DNAJC15: variants seen among roughly 807,000 people sequenced by gnomAD.
The protein encoded by DNAJC15 is DnaJ heat shock protein family (Hsp40) member C15.
In DNAJC15, 27 loss-of-function variants were observed where a neutral mutation model predicts 22.4. The observed-to-expected ratio is 1.20, with a 90% CI of 0.89 to 1.66. The LOEUF (loss-of-function observed/expected upper bound fraction) is 1.66, where lower values mean the gene tolerates loss of function less well. Ranked by LOEUF, DNAJC15 falls within the 40% of genes most tolerant of loss-of-function variation. The pLI is 0.00. For missense variants in DNAJC15, 208 were observed against 187.1 expected (o/e 1.11, Z -0.65); for synonymous variants, 79 against 63.2 (o/e 1.25, Z -1.19).
rs572266719 is a variant in DNAJC15 at position 43,110,254 on chromosome 13, G to C, written c.*3006G>C. The C allele has an allele frequency of 1.3e-5, 2 of 152,344 alleles. No individual in the cohort carries two copies. Among genetic ancestry groups the C allele is most frequent in the African/African-American group, 4.8e-5 (2 of 41,578 alleles). 9.4% of individuals were successfully genotyped at this position (152,344 alleles called of 1,614,324 possible). ...CTACTAGAGCATCGTCACCATAGCA[G>C]CTGTCTTATAACAGAGAGTGGTCGG... On this transcript the variant is annotated 3_prime_UTR_variant, in exon 6 of 6. Transcript: ENST00000379221.
At chr13:43,024,061 T>C (rs1422789041) in intron 1 of DNAJC15, among the ~76,000 whole-genome samples, 1 of 152,202 alleles carries the variant, frequency 6.6e-6, no homozygotes, top group Non-Finnish European at 1.5e-5. Flanking sequence ...AAAAACGTCT[T>C]GCAGGGGACG....
At chr13:43,074,242 C>G (rs1441185943) in intron 3 of DNAJC15, among the ~76,000 whole-genome samples, 2 of 152,050 alleles carry the variant, frequency 1.3e-5, no homozygotes, top group African/African-American at 4.8e-5. Context: ...AATGAATTAG[C>G]TAATGAATAC....
At chr13:43,040,755 G>A (rs2040450085) in intron 1 of DNAJC15, among the ~76,000 whole-genome samples, 1 of 152,102 alleles carries the variant, frequency 6.6e-6, no homozygotes, top group South Asian at 2.1e-4. Flanking sequence ...AGGGGGATGT[G>A]GCAGGGTCAT....
chr13:43,072,960 A>G (rs1488486523), intron 3 of DNAJC15, among the ~76,000 whole-genome samples: 2 of 152,204 alleles, frequency 1.3e-5, no homozygotes, highest in African/African-American at 4.8e-5. Flanking sequence ...GAATATTTCT[A>G]AAGCCATTAA....
chr13:43,102,832 T>C (rs1032411862), intron 5 of DNAJC15, among the ~76,000 whole-genome samples: 6 of 152,116 alleles, frequency 3.9e-5, no homozygotes, highest in East Asian at 3.8e-4. Context: ...GGGTTTGTTA[T>C]CAAAGATATG....
intron 5 of DNAJC15, among the ~76,000 whole-genome samples, chr13:43,088,665 C>A (rs1191392256): frequency 1.3e-5 from 2 of 152,124 alleles, no homozygotes; most frequent in Non-Finnish European, 2.9e-5. Context: ...AATGGATTTT[C>A]TCTAATTATT....
chr13:43,105,072 T>C (rs1054728131), intron 5 of DNAJC15, among the ~76,000 whole-genome samples: 3 of 151,648 alleles, frequency 2.0e-5, no homozygotes, highest in Non-Finnish European at 2.9e-5. Flanking sequence ...AACTAGATAT[T>C]ATAACCAGGA....
At chr13:43,092,998 A>C (rs981207743) in intron 5 of DNAJC15, among the ~76,000 whole-genome samples, 1 of 152,244 alleles carries the variant, frequency 6.6e-6, no homozygotes, top group Non-Finnish European at 1.5e-5. Context: ...ATAAAATATT[A>C]CTTTGGCCAC....
chr13:43,044,959 C>T (rs1273533773), intron 1 of DNAJC15, among the ~76,000 whole-genome samples: 7 of 152,030 alleles, frequency 4.6e-5, no homozygotes, highest in African/African-American at 1.7e-4. Flanking sequence ...TAGAATGATC[C>T]TTAGAATTTT....
At chr13:43,082,565 T>G (rs1181090573) in intron 4 of DNAJC15, among the ~76,000 whole-genome samples, 1 of 152,110 alleles carries the variant, frequency 6.6e-6, no homozygotes, top group Non-Finnish European at 1.5e-5. Context: ...AAAGGCAGAG[T>G]GTTTTGAATG....
chr13:43,112,875 T>C lies in DNAJC15; in HGVS notation c.*5627T>C, dbSNP rs1169633910. The C allele has an allele frequency of 1.3e-5, 2 of 152,256 alleles. No homozygotes were observed. Among genetic ancestry groups the C allele is most frequent in the Non-Finnish European group, 2.9e-5 (2 of 68,052 alleles). 9.4% of individuals were successfully genotyped at this position (152,256 alleles called of 1,614,324 possible). A position where few individuals can be genotyped will look rare whatever the true frequency, so the allele number is the denominator to read the frequency against. On this transcript the variant is annotated 3_prime_UTR_variant, in exon 6 of 6. Transcript: ENST00000379221. ...GTATGACTTTTGGCTCATTTTTTGA[T>C]GCATGTGACCTGGGATTATAAATGT... is the stretch of plus-strand genomic sequence containing the variant.
intron 5 of DNAJC15, among the ~76,000 whole-genome samples, chr13:43,088,891 T>C (rs1393049974): frequency 6.6e-6 from 1 of 151,936 alleles, no homozygotes; most frequent in African/African-American, 2.4e-5. Context: ...GGAGGGTTCA[T>C]CTTTCTTTTC....
In DNAJC15 at chr13:43,109,353, G is replaced by T. The variant is rs1310559534; in HGVS notation, c.*2105G>T. The T allele has an allele frequency of 6.6e-6, 1 of 152,150 alleles. No homozygotes were observed. Among genetic ancestry groups the T allele is most frequent in the African/African-American group, 2.4e-5 (1 of 41,414 alleles). The allele number at this position is 152,150 out of a possible 1,614,324, so 9.4% of individuals were successfully genotyped here. On this transcript the variant is annotated 3_prime_UTR_variant, in exon 6 of 6. Transcript: ENST00000379221. ...CTTTACTCTGGAGCACTTGCATTTA[G>T]CAGGCATCATAAAGTTTTACGTACC...
chr13:43,103,891 T>A (rs541306232), intron 5 of DNAJC15, among the ~76,000 whole-genome samples: 2 of 152,348 alleles, frequency 1.3e-5, no homozygotes, highest in Non-Finnish European at 2.9e-5. Flanking sequence ...TGAAATTGGC[T>A]GTTTTATTTT....
chr13:43,049,039 G>A (rs1593314038), intron 1 of DNAJC15, among the ~76,000 whole-genome samples: 1 of 151,688 alleles, frequency 6.6e-6, no homozygotes, highest in South Asian at 2.1e-4. Context: ...TGACACTTAC[G>A]GCAGTTTTAG....
rs184103296 is a variant in DNAJC15 at position 43,113,704 on chromosome 13, T to A, written c.*6456T>A. The A allele has an allele frequency of 1.3e-5, 2 of 152,372 alleles. No homozygotes were observed. The highest frequency in any genetic ancestry group is 4.8e-5 in the African/African-American group (2 of 41,580). 9.4% of individuals were successfully genotyped at this position (152,372 alleles called of 1,614,324 possible). A position where few individuals can be genotyped will look rare whatever the true frequency, so the allele number is the denominator to read the frequency against. On this transcript the variant is annotated 3_prime_UTR_variant, in exon 6 of 6. Transcript: ENST00000379221. ...GATTAGTGGTGCCTTTGCTCTTTCC[T>A]TCTGTAAATGTGAATAGTTAAGAGT...
chr13:43,094,675 G>T (rs1285134837), intron 5 of DNAJC15, among the ~76,000 whole-genome samples: 1 of 152,046 alleles, frequency 6.6e-6, no homozygotes, highest in East Asian at 1.9e-4. Context: ...TATATACTTA[G>T]AGGGAAAAAT....
At chr13:43,092,576 C>T (rs925995669) in intron 5 of DNAJC15, among the ~76,000 whole-genome samples, 5 of 151,492 alleles carry the variant, frequency 3.3e-5, no homozygotes, top group African/African-American at 9.7e-5. Flanking sequence ...CTTTTTCTGA[C>T]CCTTTACTTT....
At chr13:43,084,717 T>A (rs2040679096) in intron 4 of DNAJC15, among the ~76,000 whole-genome samples, 1 of 152,236 alleles carries the variant, frequency 6.6e-6, no homozygotes, top group Non-Finnish European at 1.5e-5. Flanking sequence ...TAAGCAACAT[T>A]TCCAATACTG....
Sources: allele counts gnomAD v4.1 joint callset (sites outside exome capture counted in the v4.1 genomes callset), GRCh38; gene constraint gnomAD v4.1.1; transcripts MANE v1.5; gene names NCBI Gene and HGNC (gene_info 2026-07-23, HGNC 2026-07-21).